The following CLVS1 variants were observed in gnomAD, a reference collection of about 807,000 sequenced individuals.
CLVS1 encodes the protein clavesin 1.
CLVS1 carries 10 observed loss-of-function variants against 33.1 expected under a neutral mutation model. The observed-to-expected ratio is 0.30, with a 90% confidence interval of 0.19 to 0.51. The LOEUF is 0.51. Ranked by LOEUF, CLVS1 falls within the 20% of genes least tolerant of loss-of-function variation. CLVS1 has a pLI of 0.97. For missense variants in CLVS1, 343 were observed against 433.4 expected (o/e 0.79, Z 1.85); for synonymous variants, 163 against 166.1 (o/e 0.98, Z 0.14).
intron 3 of CLVS1, among the ~76,000 whole-genome samples, chr8:61,410,688 C>A (rs1390060441): frequency 1.3e-5 from 2 of 152,146 alleles, no homozygotes; most frequent in Non-Finnish European, 2.9e-5. Context: ...GTCACCCCGG[C>A]TGGAGTGCAG....
At chr8:61,050,937 T>C in the CLVS1 span, among the ~76,000 whole-genome samples, 10 of 152,164 alleles carry the variant, frequency 6.6e-5, no homozygotes, top group Admixed American at 3.9e-4. Flanking sequence ...TATGAGCCAG[T>C]CAGATAATGA....
At chr8:61,242,387 T>C (rs1808714988) in intron 2 of CLVS1, among the ~76,000 whole-genome samples, 1 of 152,202 alleles carries the variant, frequency 6.6e-6, no homozygotes, top group Non-Finnish European at 1.5e-5. Flanking sequence ...TACATTTACC[T>C]TCACGTTCTC....
At chr8:61,087,989 C>T (rs1457448085) in intron 1 of CLVS1, among the ~76,000 whole-genome samples, 4 of 152,178 alleles carry the variant, frequency 2.6e-5, no homozygotes, top group African/African-American at 9.7e-5. Context: ...ATTTTCATTG[C>T]CTTCTGTTGT....
At chr8:61,355,009 T>C (rs1008873620) in intron 2 of CLVS1, among the ~76,000 whole-genome samples, 2 of 152,168 alleles carry the variant, frequency 1.3e-5, no homozygotes, top group African/African-American at 4.8e-5. Flanking sequence ...GTTACCTCAA[T>C]TTAAAAAGTA....
intron 2 of CLVS1, among the ~76,000 whole-genome samples, chr8:61,350,620 A>G (rs1368191529): frequency 1.3e-5 from 2 of 152,192 alleles, no homozygotes; most frequent in Non-Finnish European, 2.9e-5. Context: ...CAGGCAGCTT[A>G]GAAAATACAT....
At position 61,322,468 on chromosome 8, in the gene CLVS1, C is replaced by T. The variant is rs563280720; in HGVS notation, c.455+22186C>T. Among the ~76,000 whole-genome samples the T allele has an allele frequency of 9.8e-5, 15 of 152,294 alleles. 1 individual carries two copies. The South Asian group carries it at 1.2e-3, about 13-fold the overall frequency. On this transcript the variant is annotated intron_variant, in intron 2 of 5. Transcript: ENST00000325897. ...TAACTGGAATGTCATCTCTCTCCTG[C>T]ACAACTGCCCCTGTGTGTTTGCTCT...
chr8:60,976,105 C>A, the CLVS1 span, among the ~76,000 whole-genome samples: 1 of 152,124 alleles, frequency 6.6e-6, no homozygotes, highest in Non-Finnish European at 1.5e-5. Context: ...TCAATTCTGA[C>A]CTTCTAGCTT....
At chr8:61,037,329 C>G in the CLVS1 span, among the ~76,000 whole-genome samples, 14 of 152,278 alleles carry the variant, frequency 9.2e-5, no homozygotes, top group South Asian at 2.9e-3. Context: ...TTCTTACTTT[C>G]TATCTTTATC....
chr8:61,219,698 G>A (rs1051050331), intron 2 of CLVS1, among the ~76,000 whole-genome samples: 2 of 152,102 alleles, frequency 1.3e-5, no homozygotes, highest in African/African-American at 4.8e-5. Flanking sequence ...GATATTTCTG[G>A]TTCTAGATCC....
intron 2 of CLVS1, among the ~76,000 whole-genome samples, chr8:61,258,550 G>A (rs1169376559): frequency 6.6e-6 from 1 of 152,160 alleles, no homozygotes; most frequent in Non-Finnish European, 1.5e-5. Flanking sequence ...CTAACAAAGT[G>A]CAAGTTAGTT....
At chr8:60,979,564 C>T in the CLVS1 span, among the ~76,000 whole-genome samples, 1 of 152,176 alleles carries the variant, frequency 6.6e-6, no homozygotes, top group Non-Finnish European at 1.5e-5. Context: ...AGACATTCAA[C>T]TGAAGTAAAC....
At chr8:61,351,817 G>T (rs1812477963) in intron 2 of CLVS1, among the ~76,000 whole-genome samples, 1 of 152,020 alleles carries the variant, frequency 6.6e-6, no homozygotes, top group Admixed American at 6.6e-5. Context: ...TGTCAACTGT[G>T]ACTTCTATAT....
chr8:61,086,035 C>CAAAAAAA (rs4033854), intron 1 of CLVS1, among the ~76,000 whole-genome samples: 2 of 31,246 alleles, frequency 6.4e-5, no homozygotes, highest in Non-Finnish European at 1.0e-4. Context: ...GACTCCCTCT[C>CAAAAAAA]AAAAAAAAAA....
intron 2 of CLVS1, among the ~76,000 whole-genome samples, chr8:61,374,545 C>G (rs1813566886): frequency 6.6e-6 from 1 of 152,094 alleles, no homozygotes; most frequent in Admixed American, 6.5e-5. Flanking sequence ...AGCTGTATCT[C>G]TGAAAAAGAC....
At chr8:61,117,981 G>A (rs1183894251) in intron 1 of CLVS1, among the ~76,000 whole-genome samples, 3 of 152,116 alleles carry the variant, frequency 2.0e-5, no homozygotes, top group African/African-American at 4.8e-5. Flanking sequence ...GGTAGACTTC[G>A]GCTGTGAATC....
chr8:61,142,927 C>G (rs1806336425), intron 2 of CLVS1, among the ~76,000 whole-genome samples: 1 of 152,104 alleles, frequency 6.6e-6, no homozygotes, highest in Non-Finnish European at 1.5e-5. Context: ...ACCACCCAAG[C>G]AAATTAAGAT....
intron 3 of CLVS1, among the ~76,000 whole-genome samples, chr8:61,447,721 C>T (rs561244815): frequency 6.6e-6 from 1 of 152,076 alleles, no homozygotes; most frequent in East Asian, 1.9e-4. Flanking sequence ...CATCTTTGAA[C>T]CACATCAGAG....
intron 2 of CLVS1, among the ~76,000 whole-genome samples, chr8:61,180,380 G>T (rs1222455303): frequency 3.9e-5 from 6 of 152,032 alleles, no homozygotes; most frequent in Non-Finnish European, 1.5e-5. Flanking sequence ...CCAGGACCAG[G>T]TGGATTCACA....
intron 1 of CLVS1, among the ~76,000 whole-genome samples, chr8:61,084,067 A>G (rs772073404): frequency 6.6e-6 from 1 of 152,256 alleles, no homozygotes; most frequent in Non-Finnish European, 1.5e-5. Flanking sequence ...GGGGTAAATA[A>G]TAACATCCTT....
Sources: allele counts gnomAD v4.1 joint callset (sites outside exome capture counted in the v4.1 genomes callset), GRCh38; gene constraint gnomAD v4.1.1; transcripts MANE v1.5; gene names NCBI Gene and HGNC (gene_info 2026-07-23, HGNC 2026-07-21).